Variants in TOX observed in about 807,000 individuals in gnomAD.
TOX encodes thymocyte selection associated high mobility group box.
TOX carries 11 observed loss-of-function variants against 53.7 expected under a neutral mutation model. That is an observed-to-expected ratio of 0.20 (90% confidence interval 0.13 to 0.34). The LOEUF (loss-of-function observed/expected upper bound fraction) is 0.34. Among genes scored for constraint, TOX ranks in the 10% least tolerant of loss-of-function variants. The pLI is 1.00. For missense variants in TOX, 570 were observed against 664.6 expected (o/e 0.86, Z 1.56); for synonymous variants, 225 against 245.3 (o/e 0.92, Z 0.77).
intron 1 of TOX, among the ~76,000 whole-genome samples, chr8:58,989,765 T>C (rs959359318): frequency 6.6e-6 from 1 of 152,182 alleles, no homozygotes; most frequent in African/African-American, 2.4e-5. Context: ...TGACCACTCT[T>C]CCTTTTGAAC....
chr8:59,085,223 G>T (rs1230934554), intron 1 of TOX, among the ~76,000 whole-genome samples: 1 of 152,100 alleles, frequency 6.6e-6, no homozygotes, highest in Non-Finnish European at 1.5e-5. Context: ...AAAATAATCA[G>T]TCACATTCCA....
At chr8:58,898,483 A>G (rs967324437) in intron 3 of TOX, among the ~76,000 whole-genome samples, 1 of 152,146 alleles carries the variant, frequency 6.6e-6, no homozygotes, top group African/African-American at 2.4e-5. Flanking sequence ...TAGGGAAGCA[A>G]CTCATACTGT....
At chr8:58,984,782 C>CAAAAAAAAAAAA (rs11364474) in intron 1 of TOX, among the ~76,000 whole-genome samples, 3 of 77,372 alleles carry the variant, frequency 3.9e-5, no homozygotes, top group African/African-American at 1.6e-4. Context: ...GACTCCGTCT[C>CAAAAAAAAAAAA]AAAAAAAAAA....
chr8:58,986,912 G>A (rs1231204102), intron 1 of TOX, among the ~76,000 whole-genome samples: 1 of 152,218 alleles, frequency 6.6e-6, no homozygotes, highest in East Asian at 1.9e-4. Flanking sequence ...CTTCTGTCCT[G>A]TCTCATCCTG....
chr8:58,909,078 C>G (rs181472490), intron 3 of TOX, among the ~76,000 whole-genome samples: 4 of 152,292 alleles, frequency 2.6e-5, no homozygotes, highest in Admixed American at 1.3e-4. Context: ...GTTTTCAACT[C>G]TAGTCACACA....
rs148826760 is a variant in TOX at position 59,087,987 on chromosome 8, C to T, written c.102+30899G>A. Among the ~76,000 whole-genome samples, 448 of 152,202 alleles carry T rather than the reference C, an allele frequency of 2.9e-3. 1 individual carries two copies. The highest frequency in any genetic ancestry group is 5.3e-3 in the Non-Finnish European group (360 of 68,028). ...GCCCTGGGTCCTGTGAGTGTGTGGA[C>T]TTTCACTGTCATGCGAATTTATGTA... is the stretch of plus-strand genomic sequence containing the variant. On this transcript the variant is annotated intron_variant, in intron 1 of 8. Coordinates refer to ENST00000361421, the MANE Select transcript of TOX (RefSeq NM_014729.3).
At chr8:58,817,640 T>C (rs1810204041) in intron 6 of TOX, among the ~76,000 whole-genome samples, 2 of 152,202 alleles carry the variant, frequency 1.3e-5, no homozygotes, top group Non-Finnish European at 2.9e-5. Flanking sequence ...GTGTTCGGTA[T>C]GTTTGAATTC....
chr8:58,991,671 T>C (rs982050103), intron 1 of TOX: 1 of 152,196 alleles, frequency 6.6e-6, no homozygotes, highest in Non-Finnish European at 1.5e-5. Context: ...GAAACAAAAA[T>C]GAAACTTGTG....
chr8:59,116,762 C>T (rs401139), intron 1 of TOX, among the ~76,000 whole-genome samples: 21,906 of 152,028 alleles, frequency 0.14, 1,973 homozygotes, highest in African/African-American at 0.26. Flanking sequence ...AAATAGAAGA[C>T]TCGCAACTAG....
chr8:58,936,618 T>G (rs1463641007), intron 3 of TOX, among the ~76,000 whole-genome samples: 1 of 152,158 alleles, frequency 6.6e-6, no homozygotes, highest in Admixed American at 6.5e-5. Context: ...CAGGAATTAG[T>G]AGACAAAAGA....
chr8:59,012,817 G>C (rs1195659162), intron 1 of TOX, among the ~76,000 whole-genome samples: 1 of 151,518 alleles, frequency 6.6e-6, no homozygotes, highest in African/African-American at 2.4e-5. Context: ...GAAAGAAACT[G>C]AGACACAGAC....
At chr8:58,902,262 T>C (rs1811744871) in intron 3 of TOX, among the ~76,000 whole-genome samples, 1 of 152,200 alleles carries the variant, frequency 6.6e-6, no homozygotes, top group African/African-American at 2.4e-5. Context: ...CTCTTGCATT[T>C]ACTTACTGGT....
intron 3 of TOX, among the ~76,000 whole-genome samples, chr8:58,918,949 T>G (rs914350587): frequency 6.6e-6 from 1 of 151,696 alleles, no homozygotes; most frequent in Non-Finnish European, 1.5e-5. Context: ...TGAACTCCCA[T>G]TCACAATTGC....
intron 1 of TOX, among the ~76,000 whole-genome samples, chr8:58,988,121 C>G (rs1813369093): frequency 6.6e-6 from 1 of 152,150 alleles, no homozygotes; most frequent in African/African-American, 2.4e-5. Flanking sequence ...GAACAGTCAC[C>G]TGTAACTGTA....
intron 3 of TOX, among the ~76,000 whole-genome samples, chr8:58,899,763 T>G (rs533941901): frequency 3.0e-4 from 46 of 152,242 alleles, no homozygotes; most frequent in Middle Eastern, 6.8e-3. Context: ...GATTTTCAGA[T>G]TAGGGATATT....
At chr8:59,105,404 G>T (rs1408443598) in intron 1 of TOX, among the ~76,000 whole-genome samples, 1 of 151,922 alleles carries the variant, frequency 6.6e-6, no homozygotes, top group Non-Finnish European at 1.5e-5. Context: ...TAAGCTCTCA[G>T]TATAAAGCAC....
At chr8:58,829,929 A>T (rs562981168) in intron 5 of TOX, among the ~76,000 whole-genome samples, 6 of 152,272 alleles carry the variant, frequency 3.9e-5, no homozygotes, top group South Asian at 4.1e-4. Flanking sequence ...GAGAGCAAAG[A>T]TGTCCCAGCA....
chr8:58,998,325 C>A (rs1429699421), intron 1 of TOX, among the ~76,000 whole-genome samples: 2 of 150,352 alleles, frequency 1.3e-5, no homozygotes, highest in Non-Finnish European at 3.0e-5. Flanking sequence ...CCCACCTCTA[C>A]TAAAAATATG....
chr8:59,042,238 T>C (rs1056792007), intron 1 of TOX, among the ~76,000 whole-genome samples: 1 of 152,206 alleles, frequency 6.6e-6, no homozygotes, highest in African/African-American at 2.4e-5. Flanking sequence ...GTATTGCCTG[T>C]CAAGAATCAG....
Sources: gnomAD v4.1 joint callset for allele counts (sites outside exome capture counted in the v4.1 genomes callset) on GRCh38, gnomAD v4.1.1 for gene constraint, MANE v1.5 for transcripts, NCBI Gene and HGNC (gene_info 2026-07-23, HGNC 2026-07-21) for gene names.